Variants in ZMIZ1 observed in about 807,000 individuals in gnomAD.
ZMIZ1 encodes zinc finger MIZ-type containing 1.
Under a neutral mutation model 113.9 loss-of-function variants are expected in ZMIZ1, and 17 were observed. The observed-to-expected ratio is 0.15, with a 90% CI of 0.10 to 0.22. ZMIZ1 has a LOEUF of 0.22. Among genes scored for constraint, ZMIZ1 ranks in the 10% least tolerant of loss-of-function variants. ZMIZ1 has a pLI of 1.00. For synonymous variants in ZMIZ1, 607 were observed against 603.1 expected, an observed-to-expected ratio of 1.01 and a Z score of -0.09; for missense variants, 1,059 against 1,477.8, an observed-to-expected ratio of 0.72 and a Z score of 4.65.
In ZMIZ1 at chr10:79,221,125, T is replaced by C. The variant is rs566490325; in HGVS notation, c.280+4851T>C. On this transcript the variant is annotated intron_variant, in intron 7 of 24. Coordinates refer to ENST00000334512, the MANE Select transcript of ZMIZ1 (RefSeq NM_020338.4). ...CCTGGCGCTGCATCCCCCTTCTGTC[T>C]CCCTTGTCAGGAGGCCAGGCCAGCC... Among the ~76,000 whole-genome samples the C allele has an allele frequency of 3.9e-3, 599 of 152,308 alleles. 1 individual carries two copies. Among genetic ancestry groups the C allele is most frequent in the African/African-American group, 0.013 (558 of 41,572 alleles).
At chr10:79,085,289 C>T (rs202143976) in intron 1 of ZMIZ1, among the ~76,000 whole-genome samples, 1 of 115,744 alleles carries the variant, frequency 8.6e-6, no homozygotes. Context: ...GTTCTGGGGG[C>T]TCAGCACCAG....
Position 79,177,498 on chromosome 10 carries a change from T to C in ZMIZ1, c.-50+15365T>C, listed in dbSNP as rs148929804. On this transcript the variant is annotated intron_variant, in intron 4 of 24. Transcript: ENST00000334512. The stretch of plus-strand genomic sequence containing the variant: ...TAGTCCTCGTATCCACCCTGCGAGG[T>C]GAGAAGGGCCGGGGGAGATCAGCAG... Among the ~76,000 whole-genome samples the C allele has an allele frequency of 1.6e-3, 245 of 152,192 alleles. 2 individuals carry two copies. The highest frequency in any genetic ancestry group is 5.7e-3 in the African/African-American group (238 of 41,528).
intron 8 of ZMIZ1, among the ~76,000 whole-genome samples, chr10:79,278,583 C>G (rs1034861327): frequency 2.6e-5 from 4 of 151,192 alleles, no homozygotes; most frequent in Admixed American, 2.6e-4. Context: ...GAGGGTCCTG[C>G]CGCCCTCCGC....
chr10:79,266,839 G>A (rs1255283934), intron 7 of ZMIZ1, among the ~76,000 whole-genome samples: 3 of 152,182 alleles, frequency 2.0e-5, no homozygotes, highest in Non-Finnish European at 2.9e-5. Context: ...GCCTCCAGCC[G>A]GGCAGAGTAA....
intron 8 of ZMIZ1, among the ~76,000 whole-genome samples, chr10:79,286,107 A>G (rs1853060167): frequency 6.6e-6 from 1 of 152,196 alleles, no homozygotes; most frequent in African/African-American, 2.4e-5. Flanking sequence ...AGGGTTGTAC[A>G]GAGTGGGACA....
chr10:79,235,942 A>G (rs1042580684), intron 7 of ZMIZ1, among the ~76,000 whole-genome samples: 4 of 152,222 alleles, frequency 2.6e-5, no homozygotes, highest in African/African-American at 9.6e-5. Context: ...TTAATATGCC[A>G]TGTGACTGGA....
At chr10:79,152,698 G>A (rs921667594) in intron 3 of ZMIZ1, among the ~76,000 whole-genome samples, 2 of 152,220 alleles carry the variant, frequency 1.3e-5, no homozygotes, top group African/African-American at 4.8e-5. Flanking sequence ...GCTGAGTACA[G>A]CTCTACCACT....
At position 79,069,279 on chromosome 10, in the gene ZMIZ1, G is replaced by A. The variant is rs1292434350; in HGVS notation, c.-337+9G>A. The stretch of plus-strand genomic sequence containing the variant: ...GGCGCTCGCAGCGCCCGGTAAGTTT[G>A]GGGCCAGAGCCAGGCGCCCGCTGGC... On this transcript the variant is annotated intron_variant, in intron 1 of 24. Transcript: ENST00000334512. The surrounding 1 kb of genome is among the most constrained non-coding windows in gnomAD (Gnocchi z 4.6). The A allele has an allele frequency of 1.3e-5, 2 of 150,656 alleles. No homozygotes were observed. The highest frequency in any genetic ancestry group is 2.4e-5 in the African/African-American group (1 of 41,268). The allele number at this position is 150,656 out of a possible 1,614,324, so 9.3% of individuals were successfully genotyped here. A position where few individuals can be genotyped will look rare whatever the true frequency, so the allele number is the denominator to read the frequency against.
chr10:79,079,294 C>T (rs986169175), intron 1 of ZMIZ1, among the ~76,000 whole-genome samples: 1 of 152,118 alleles, frequency 6.6e-6, no homozygotes. Context: ...GGGCTGTGGG[C>T]CCCCAGAACC....
intron 4 of ZMIZ1, among the ~76,000 whole-genome samples, chr10:79,179,759 C>T (rs1441013356): frequency 1.3e-5 from 2 of 152,280 alleles, no homozygotes; most frequent in Non-Finnish European, 2.9e-5. Flanking sequence ...GCTTCATTAT[C>T]CCTGGATTGA....
intron 4 of ZMIZ1, among the ~76,000 whole-genome samples, chr10:79,182,431 G>T (rs765363938): frequency 6.6e-6 from 1 of 152,168 alleles, no homozygotes; most frequent in Non-Finnish European, 1.5e-5. Flanking sequence ...AGAGAGCTCT[G>T]TGGGTGAGGT....
chr10:79,083,837 T>C (rs903027799), intron 1 of ZMIZ1, among the ~76,000 whole-genome samples: 1 of 152,202 alleles, frequency 6.6e-6, no homozygotes, highest in Admixed American at 6.5e-5. Context: ...CAAGTTGCTG[T>C]GTCCTGGGAG....
chr10:79,106,333 C>G (rs1843557488), intron 1 of ZMIZ1, among the ~76,000 whole-genome samples: 1 of 152,246 alleles, frequency 6.6e-6, no homozygotes, highest in Admixed American at 6.5e-5. Flanking sequence ...GTCTTATGCT[C>G]TGCCTGAGAG....
intron 4 of ZMIZ1, among the ~76,000 whole-genome samples, chr10:79,166,957 C>A (rs913556882): frequency 7.2e-5 from 11 of 152,278 alleles, no homozygotes; most frequent in Non-Finnish European, 1.6e-4. Context: ...CCTTTCACAG[C>A]CACATCACAT....
chr10:79,284,860 G>A (rs1852963980), intron 8 of ZMIZ1, among the ~76,000 whole-genome samples: 1 of 152,124 alleles, frequency 6.6e-6, no homozygotes, highest in South Asian at 2.1e-4. Context: ...TGCCAACACG[G>A]CCAGTACAAG....
At chr10:79,311,700 G>T (rs1305724337) in intron 24 of ZMIZ1, among the ~76,000 whole-genome samples, 1 of 152,104 alleles carries the variant, frequency 6.6e-6, no homozygotes, top group Non-Finnish European at 1.5e-5. Flanking sequence ...GGCAGAGGGG[G>T]CAGCCTTGGG....
At chr10:79,305,416 G>C (rs1484218967) in intron 20 of ZMIZ1, 117 bp from the exon 21 acceptor site, 1 of 1,284,758 alleles carries the variant, frequency 7.8e-7, no homozygotes, top group Non-Finnish European at 1.1e-6. Flanking sequence ...CCTCTCTTGT[G>C]CCTCCAGTAG....
rs1255334228 is a variant in ZMIZ1 at position 79,151,955 on chromosome 10, G to A, written c.-130-10098G>A. Among the ~76,000 whole-genome samples, 5 of 152,188 alleles carry A rather than the reference G, an allele frequency of 3.3e-5. No homozygotes were observed. In the South Asian group the frequency reaches 6.2e-4, roughly 19 times the overall value. ...TCCTCCCGCCTGTCTGCCTCATCTC[G>A]CCCGCCGCCATCTGGGCCCCCTGGG... On this transcript the variant is annotated intron_variant, in intron 3 of 24. Coordinates refer to ENST00000334512, the MANE Select transcript of ZMIZ1 (RefSeq NM_020338.4).
At chr10:79,070,423 G>A (rs1842224806) in intron 1 of ZMIZ1, among the ~76,000 whole-genome samples, 1 of 151,632 alleles carries the variant, frequency 6.6e-6, no homozygotes, top group African/African-American at 2.4e-5. Context: ...CTGCCCCGGA[G>A]CCGCCGGAGA....
Sources: allele counts gnomAD v4.1 joint callset (sites outside exome capture counted in the v4.1 genomes callset), GRCh38; gene constraint gnomAD v4.1.1; non-coding constraint Gnocchi (gnomAD v3.1); transcripts MANE v1.5; gene names NCBI Gene and HGNC (gene_info 2026-07-23, HGNC 2026-07-21).